PRKN: variants seen among roughly 807,000 people sequenced by gnomAD.
The protein encoded by PRKN is parkin RBR E3 ubiquitin protein ligase, also known as E3 ubiquitin-protein ligase parkin.
PRKN carries 56 observed loss-of-function variants against 59.5 expected under a neutral mutation model. The observed-to-expected ratio is 0.94, with a 90% CI of 0.76 to 1.18. The LOEUF is 1.18. Among genes scored for constraint, PRKN ranks in the 50% most tolerant of loss-of-function variants. PRKN has a pLI of 0.00. For missense variants in PRKN, 657 were observed against 596.4 expected (o/e 1.10, Z -1.06); for synonymous variants, 250 against 222.1 (o/e 1.13, Z -1.12).
At chr6:161,572,237 A>T (rs1780918384) in intron 7 of PRKN, among the ~76,000 whole-genome samples, 1 of 152,258 alleles carries the variant, frequency 6.6e-6, no homozygotes, top group African/African-American at 2.4e-5. Flanking sequence ...ACATAGCTTT[A>T]GCCTATATTA....
chr6:161,482,286 AC>A lies in PRKN; in HGVS notation c.1083+66567del, dbSNP rs142376384. The stretch of plus-strand genomic sequence containing the variant: ...GGAACTGTGTGGCAAACATTTACTA[AC>A]CAGGTTCTCATGACCTATTGACTGT... On this transcript the variant is annotated intron_variant, in intron 9 of 11. Transcript: ENST00000366898. 9.5e-3 allele frequency among the ~76,000 whole-genome samples: 1,447 copies of A among 152,294 alleles called. 26 individuals are homozygous for A. The highest frequency in any genetic ancestry group is 0.032 in the African/African-American group (1,349 of 41,574).
intron 1 of PRKN, among the ~76,000 whole-genome samples, chr6:162,663,876 T>C (rs543808829): frequency 6.6e-6 from 1 of 151,454 alleles, no homozygotes; most frequent in South Asian, 2.1e-4. Flanking sequence ...CCCACAATAC[T>C]TTTTTTTTCA....
chr6:161,358,646 C>A (rs1302848807), intron 11 of PRKN, among the ~76,000 whole-genome samples: 1 of 151,938 alleles, frequency 6.6e-6, no homozygotes, highest in African/African-American at 2.4e-5. Flanking sequence ...CAGCGAAATA[C>A]CAGGCCTGTT....
intron 5 of PRKN, among the ~76,000 whole-genome samples, chr6:161,976,289 G>C (rs1162963859): frequency 2.6e-5 from 4 of 152,164 alleles, no homozygotes; most frequent in African/African-American, 9.7e-5. Flanking sequence ...CCAATCCCAG[G>C]TGGTATAATT....
chr6:161,625,467 A>G (rs1783050911), intron 7 of PRKN, among the ~76,000 whole-genome samples: 1 of 152,146 alleles, frequency 6.6e-6, no homozygotes, highest in Non-Finnish European at 1.5e-5. Flanking sequence ...AACGTAAACG[A>G]CGAGTTGATG....
intron 6 of PRKN, among the ~76,000 whole-genome samples, chr6:161,789,563 A>C (rs1046790526): frequency 6.6e-6 from 1 of 152,172 alleles, no homozygotes; most frequent in Non-Finnish European, 1.5e-5. Context: ...ATCTCCAAGG[A>C]ACTTTCTCTG....
chr6:162,541,999 T>C (rs1306640846), intron 1 of PRKN, among the ~76,000 whole-genome samples: 1 of 152,080 alleles, frequency 6.6e-6, no homozygotes, highest in Non-Finnish European at 1.5e-5. Context: ...AACGCAAGGC[T>C]GTTGTGTTTG....
intron 1 of PRKN, among the ~76,000 whole-genome samples, chr6:162,561,558 AT>A (rs1388911028): frequency 6.6e-6 from 1 of 152,156 alleles, no homozygotes; most frequent in Admixed American, 6.6e-5. Context: ...CACTGAAGTG[AT>A]TTAAAAAAAC....
chr6:161,874,141 A>T (rs1445537144), intron 6 of PRKN, among the ~76,000 whole-genome samples: 3 of 43,642 alleles, frequency 6.9e-5, no homozygotes, highest in African/African-American at 3.4e-4. Context: ...TATTATATGT[A>T]AAATATAATA....
At chr6:161,903,354 G>C (rs1199403427) in intron 6 of PRKN, among the ~76,000 whole-genome samples, 1 of 152,114 alleles carries the variant, frequency 6.6e-6, no homozygotes, top group Non-Finnish European at 1.5e-5. Context: ...AGATCTGCTT[G>C]CTAAACTTTC....
intron 1 of PRKN, among the ~76,000 whole-genome samples, chr6:162,556,798 G>A (rs182475370): frequency 1.3e-3 from 194 of 150,016 alleles, no homozygotes; most frequent in South Asian, 0.011. Flanking sequence ...ACAGGAGAAT[G>A]CAAGTGATTA....
intron 4 of PRKN, among the ~76,000 whole-genome samples, chr6:162,158,419 T>G (rs56365253): frequency 0.025 from 3,129 of 127,588 alleles, 73 homozygotes; most frequent in Non-Finnish European, 0.03. Context: ...TGTTTGCGTT[T>G]TTTTTTTTTT....
chr6:162,563,993 AAC>A (rs1491334164), intron 1 of PRKN, among the ~76,000 whole-genome samples: 2 of 152,042 alleles, frequency 1.3e-5, no homozygotes, highest in East Asian at 1.9e-4. Flanking sequence ...CAAAAAAAAA[AAC>A]CACAATAAAT....
intron 2 of PRKN, chr6:162,270,831 T>C (rs1395375022): frequency 3.3e-5 from 5 of 152,038 alleles, no homozygotes; most frequent in Non-Finnish European, 7.4e-5. Flanking sequence ...GAAAATAACT[T>C]CTAACAAACA....
intron 5 of PRKN, among the ~76,000 whole-genome samples, chr6:162,007,280 A>C (rs117940354): frequency 0.017 from 2,589 of 152,248 alleles, 39 homozygotes; most frequent in South Asian, 0.031. Flanking sequence ...ATTTGACTAT[A>C]TGACGTTTTA....
chr6:162,644,621 G>A (rs796733028), intron 1 of PRKN, among the ~76,000 whole-genome samples: 4 of 152,234 alleles, frequency 2.6e-5, no homozygotes, highest in African/African-American at 9.6e-5. Flanking sequence ...AAATACGGTG[G>A]TGTATCCCCT....
chr6:161,914,441 T>C (rs1435046124), intron 6 of PRKN, among the ~76,000 whole-genome samples: 5 of 152,114 alleles, frequency 3.3e-5, no homozygotes, highest in Admixed American at 1.3e-4. Flanking sequence ...TCTCTGAGGA[T>C]AGGGAGTATT....
chr6:161,829,302 C>G (rs1792379278), intron 6 of PRKN, among the ~76,000 whole-genome samples: 1 of 152,162 alleles, frequency 6.6e-6, no homozygotes, highest in African/African-American at 2.4e-5. Context: ...AGTGCAAGTG[C>G]TTTTGCACCC....
At chr6:162,724,411 C>T (rs551786104) in intron 1 of PRKN, among the ~76,000 whole-genome samples, 9 of 152,224 alleles carry the variant, frequency 5.9e-5, no homozygotes, top group African/African-American at 1.4e-4. Flanking sequence ...AGGGAATCTT[C>T]GGTTTTGAGA....
Sources: allele counts gnomAD v4.1 joint callset (sites outside exome capture counted in the v4.1 genomes callset), GRCh38; gene constraint gnomAD v4.1.1; transcripts MANE v1.5; gene names NCBI Gene and HGNC (gene_info 2026-07-23, HGNC 2026-07-21).